DBX2: variants seen among roughly 807,000 people sequenced by gnomAD.
DBX2 encodes the protein developing brain homeobox 2.
A neutral mutation model predicts 17.7 loss-of-function variants in DBX2; 16 were observed. The observed-to-expected ratio is 0.90, with a 90% CI of 0.61 to 1.37. The LOEUF (loss-of-function observed/expected upper bound fraction) is 1.37, where lower values mean the gene tolerates loss of function less well. DBX2 is among the 40% of genes most tolerant of loss of function. The pLI, the probability that DBX2 is intolerant of heterozygous loss-of-function variation, is 0.00. For missense variants in DBX2, 538 were observed against 433.8 expected (o/e 1.24, Z -2.13); for synonymous variants, 255 against 183.8 (o/e 1.39, Z -3.13).
chr12:45,048,619 A>T (rs1489913013), intron 1 of DBX2, among the ~76,000 whole-genome samples: 1 of 152,228 alleles, frequency 6.6e-6, no homozygotes, highest in Non-Finnish European at 1.5e-5. Context: ...TCTTTATCCA[A>T]TTATAAAAAT....
At chr12:45,040,769 T>A (rs11614600) in intron 1 of DBX2, among the ~76,000 whole-genome samples, 11,448 of 152,242 alleles carry the variant, frequency 0.075, 550 homozygotes, top group Admixed American at 0.12. Context: ...TTATTCTGTT[T>A]TCTAGAAAAC....
intron 2 of DBX2, among the ~76,000 whole-genome samples, chr12:45,027,817 T>C (rs1264484426): frequency 2.6e-5 from 4 of 152,238 alleles, no homozygotes; most frequent in African/African-American, 9.6e-5. Context: ...TTTTTGGGAA[T>C]AACCAGTCAG....
intron 1 of DBX2, among the ~76,000 whole-genome samples, chr12:45,043,486 G>GCTATAGAAAGGCCAA (rs1164865517): frequency 3.9e-5 from 6 of 152,276 alleles, no homozygotes; most frequent in South Asian, 4.1e-4. Flanking sequence ...CAGCCACTCT[G>GCTATAGAAAGGCCAA]CTATAGAAAG....
chr12:45,016,516 G>A lies in DBX2; in HGVS notation c.790C>T (p.Pro264Ser). Residue 264 changes from proline to serine, a missense_variant, in exon 4 of 4, where the codon CCC becomes TCC. By Grantham distance (74) the Pro-to-Ser change is moderately conservative. Transcript: ENST00000332700. ...CIQEVGLQED[P>S]LSRSALGFPS... Reference sequence around the variant, plus strand: ...AAACCCAGAGCAGACCGTGAGAGGGGATCCTCTTGAAGACCTACTTCTTGG... The same window carrying A: ...AAACCCAGAGCAGACCGTGAGAGGGAATCCTCTTGAAGACCTACTTCTTGG... 2 of 1,612,810 alleles carry A rather than the reference G, an allele frequency of 1.2e-6. No individual in the cohort carries two copies. The highest frequency in any genetic ancestry group is 2.2e-5 in the East Asian group (1 of 44,822).
At chr12:45,049,104 T>C (rs1946515402) in intron 1 of DBX2, among the ~76,000 whole-genome samples, 1 of 152,222 alleles carries the variant, frequency 6.6e-6, no homozygotes, top group African/African-American at 2.4e-5. Context: ...ATGTAATCTG[T>C]GAAATCTGCA....
intron 2 of DBX2, among the ~76,000 whole-genome samples, chr12:45,025,281 T>C (rs1017034100): frequency 6.6e-6 from 1 of 152,140 alleles, no homozygotes; most frequent in African/African-American, 2.4e-5. Context: ...GCTACTTTCT[T>C]GCTTTGAGGT....
Position 45,051,068 on chromosome 12 carries a change from G to T in DBX2, c.-141C>A. The stretch of plus-strand genomic sequence containing the variant: ...GCGCGGAGCCAGGCAGGGAGGAAAG[G>T]CCACCCGGGACGGCGGCGGACTTGG... On this transcript the variant is annotated 5_prime_UTR_variant, in exon 1 of 4. Transcript: ENST00000332700. The T allele has an allele frequency of 9.8e-7, 1 of 1,016,054 alleles. No individual in the cohort carries two copies. The highest frequency in any genetic ancestry group is 1.3e-6 in the Non-Finnish European group (1 of 781,320). 62.9% of individuals were successfully genotyped at this position (1,016,054 alleles called of 1,614,324 possible).
At chr12:45,016,640 A>G (rs895517356) in intron 3 of DBX2, 22 bp from the exon 4 acceptor site, 2 of 1,512,576 alleles carry the variant, frequency 1.3e-6, no homozygotes, top group African/African-American at 2.8e-5. Context: ...ATAATTGCAC[A>G]AAATGATCAC....
In DBX2 at chr12:45,050,552, C is replaced by T; in HGVS notation, c.376G>A (p.Asp126Asn). 1 of 1,552,984 alleles carries T rather than the reference C, an allele frequency of 6.4e-7. No homozygotes were observed. The highest frequency in any genetic ancestry group is 8.7e-7 in the Non-Finnish European group (1 of 1,149,158). The change falls in exon 1 of 4, where the codon GAC becomes AAC. Residue 126 changes from aspartate to asparagine, a missense_variant. Physicochemically the swap from Asp to Asn is conservative, Grantham distance 23. Coordinates refer to ENST00000332700, the MANE Select transcript of DBX2 (RefSeq NM_001004329.3). ...GGCGCTGAAGGCTGGAAGGTACAGT[C>T]TCGGTCCCCCGGAGCCCGGCCCGGC... ...RLPGRAPGDR[D>N]CTFQPSAPAP... is the part of the protein sequence containing the mutation.
At chr12:45,034,274 C>A (rs894891388) in intron 2 of DBX2, among the ~76,000 whole-genome samples, 1 of 152,014 alleles carries the variant, frequency 6.6e-6, no homozygotes, top group African/African-American at 2.4e-5. Flanking sequence ...AAGTGTGGGA[C>A]CTCTTTTGAT....
intron 1 of DBX2, among the ~76,000 whole-genome samples, chr12:45,047,680 C>T (rs149766881): frequency 7.9e-4 from 120 of 152,208 alleles, no homozygotes; most frequent in African/African-American, 2.6e-3. Context: ...GGCAAAATCA[C>T]AATCTGATTT....
At chr12:45,032,184 T>G (rs879417080) in intron 2 of DBX2, among the ~76,000 whole-genome samples, 1 of 152,208 alleles carries the variant, frequency 6.6e-6, no homozygotes, top group Non-Finnish European at 1.5e-5. Flanking sequence ...CTTGGTTGAC[T>G]GAATGCCATT....
intron 1 of DBX2, among the ~76,000 whole-genome samples, chr12:45,042,303 A>G (rs537326824): frequency 6.6e-6 from 1 of 152,328 alleles, no homozygotes; most frequent in Non-Finnish European, 1.5e-5. Context: ...GAAATACAGA[A>G]TAAAAAGAAA....
At chr12:45,040,048 G>T (rs1293822097) in intron 1 of DBX2, among the ~76,000 whole-genome samples, 3 of 152,132 alleles carry the variant, frequency 2.0e-5, no homozygotes, top group Non-Finnish European at 4.4e-5. Flanking sequence ...GCAAAGTACT[G>T]GTCCTGGGTG....
rs144388913 is a variant in DBX2, at chr12:45,045,337, T to C, written c.403+5188A>G. ...GCTGCAAAGCAAGACCCTCAAAAGA[T>C]CTTTGTATTTAATGCCCACCCTAAC... On this transcript the variant is annotated intron_variant, in intron 1 of 3. Transcript: ENST00000332700. Among the ~76,000 whole-genome samples, 798 of 152,338 alleles carry C rather than the reference T, an allele frequency of 5.2e-3. 7 individuals carry two copies. Among genetic ancestry groups the C allele is most frequent in the African/African-American group, 0.018 (750 of 41,592 alleles).
chr12:45,025,591 G>A (rs1430192143), intron 2 of DBX2, among the ~76,000 whole-genome samples: 2 of 151,328 alleles, frequency 1.3e-5, no homozygotes, highest in African/African-American at 4.9e-5. Context: ...CCACCCTAAA[G>A]GAGCTCACCT....
chr12:45,043,271 C>T (rs1004649406), intron 1 of DBX2, among the ~76,000 whole-genome samples: 1 of 152,152 alleles, frequency 6.6e-6, no homozygotes, highest in African/African-American at 2.4e-5. Flanking sequence ...TGGTGACTTG[C>T]TTAACCAAGA....
chr12:45,038,537 C>A (rs550788487), intron 1 of DBX2, among the ~76,000 whole-genome samples: 5 of 151,032 alleles, frequency 3.3e-5, no homozygotes, highest in Non-Finnish European at 7.4e-5. Context: ...CATATTGCAT[C>A]CTTATATATA....
Position 45,016,269 on chromosome 12 carries a change from C to T in DBX2, c.*17G>A, listed in dbSNP as rs768260068. On this transcript the variant is annotated 3_prime_UTR_variant, in exon 4 of 4. Coordinates refer to ENST00000332700, the MANE Select transcript of DBX2 (RefSeq NM_001004329.3). ...TATTAAGCGTTCTTTTAAATGAACA[C>T]GGAGGAATGCTTCCATTCAGACAGC... 5.9e-6 allele frequency: 9 copies of T among 1,534,800 alleles called. No individual in the cohort carries two copies. In the Admixed American group the frequency reaches 6.4e-5, roughly 11 times the overall value.
Sources: allele counts gnomAD v4.1 joint callset (sites outside exome capture counted in the v4.1 genomes callset), GRCh38; gene constraint gnomAD v4.1.1; transcripts MANE v1.5; gene names NCBI Gene and HGNC (gene_info 2026-07-23, HGNC 2026-07-21).